The following ADD3 variants were observed in gnomAD, a reference collection of about 807,000 sequenced individuals.
The protein encoded by ADD3 is adducin 3.
A neutral mutation model predicts 80.2 loss-of-function variants in ADD3; 25 were observed. The observed-to-expected ratio is 0.31, with a 90% CI of 0.23 to 0.44. The LOEUF is 0.44. Ranked by LOEUF, ADD3 falls within the 20% of genes least tolerant of loss-of-function variation. The pLI, the probability that ADD3 is intolerant of heterozygous loss-of-function variation, is 1.00. For synonymous variants in ADD3, 284 were observed against 289.6 expected (o/e 0.98, Z 0.20); for missense variants, 829 against 847.5 (o/e 0.98, Z 0.27).
At chr10:110,106,474 C>CT (rs1164491476) in intron 2 of ADD3, among the ~76,000 whole-genome samples, 2 of 151,956 alleles carry the variant, frequency 1.3e-5, no homozygotes, top group Non-Finnish European at 1.5e-5. Flanking sequence ...GTGAATTCTA[C>CT]TTTTGGTTTA....
At chr10:110,123,326 T>G (rs1851742101) in intron 9 of ADD3, among the ~76,000 whole-genome samples, 1 of 152,244 alleles carries the variant, frequency 6.6e-6, no homozygotes. Flanking sequence ...TAATTTACAT[T>G]GCTACCAACA....
chr10:110,001,390 G>C (rs966934227), upstream of ADD3, among the ~76,000 whole-genome samples: 1 of 146,256 alleles, frequency 6.8e-6, no homozygotes, highest in African/African-American at 2.5e-5. Flanking sequence ...ACTCCAGCCT[G>C]AGAGACAGAG....
chr10:110,119,989 A>T (rs1272029754), intron 8 of ADD3, among the ~76,000 whole-genome samples: 1 of 152,212 alleles, frequency 6.6e-6, no homozygotes, highest in Non-Finnish European at 1.5e-5. Flanking sequence ...CAGCCTCATT[A>T]TGATGAGAGG....
chr10:110,056,140 T>A (rs1858167015), intron 1 of ADD3, among the ~76,000 whole-genome samples: 2 of 152,344 alleles, frequency 1.3e-5, no homozygotes, highest in South Asian at 4.1e-4. Flanking sequence ...ACTAGCTGCA[T>A]CACTGCTACC....
At chr10:110,073,138 C>CT (rs1189793476) in intron 1 of ADD3, among the ~76,000 whole-genome samples, 3,239 of 94,084 alleles carry the variant, frequency 0.034, 162 homozygotes, top group African/African-American at 0.046. Context: ...TTTTAGTTTT[C>CT]TTTTTTTTTT....
intron 1 of ADD3, among the ~76,000 whole-genome samples, chr10:110,020,445 C>G (rs1853538041): frequency 6.6e-6 from 1 of 152,122 alleles, no homozygotes; most frequent in Non-Finnish European, 1.5e-5. Flanking sequence ...AGAAGGTGAC[C>G]TTGAAGATGA....
At chr10:110,110,372 T>C (rs4384325) in intron 2 of ADD3, among the ~76,000 whole-genome samples, 19,924 of 152,172 alleles carry the variant, frequency 0.13, 4,197 homozygotes, top group African/African-American at 0.44. Flanking sequence ...CCACTGCCAC[T>C]GTACTTCCCT....
At chr10:110,101,224 C>T (rs989889585) in intron 2 of ADD3, among the ~76,000 whole-genome samples, 6 of 152,268 alleles carry the variant, frequency 3.9e-5, no homozygotes, top group East Asian at 1.9e-4. Context: ...GGTACCTTGA[C>T]GCTCAGAGTG....
Position 110,012,717 on chromosome 10 carries a change from A to G in ADD3, c.-30+4418A>G, listed in dbSNP as rs1175279074. ...TAACTCCACTAAAAGCTGAACCGTT[A>G]TTGTACAAGATGTATAGGCCTTGGC... On this transcript the variant is annotated intron_variant, in intron 1 of 14. Coordinates refer to ENST00000356080, the MANE Select transcript of ADD3 (RefSeq NM_016824.5). Among the ~76,000 whole-genome samples, 5 of 151,516 alleles carry G rather than the reference A, an allele frequency of 3.3e-5. No individual in the cohort carries two copies. In the East Asian group the frequency reaches 9.6e-4, roughly 29 times the overall value.
At chr10:110,021,743 G>T (rs1479889616) in intron 1 of ADD3, among the ~76,000 whole-genome samples, 1 of 152,054 alleles carries the variant, frequency 6.6e-6, no homozygotes, top group Non-Finnish European at 1.5e-5. Flanking sequence ...TGGGTACTGG[G>T]TTTCCTTTTG....
chr10:110,026,686 C>T (rs1854351643), intron 1 of ADD3, among the ~76,000 whole-genome samples: 1 of 151,736 alleles, frequency 6.6e-6, no homozygotes, highest in Non-Finnish European at 1.5e-5. Context: ...TGGAGTCTGG[C>T]TGTGTTTCCT....
In ADD3 at chr10:110,130,345, T is replaced by G. The variant is rs1158430492; in HGVS notation, c.1609-18T>G. ...AAAACTCTTGGTAATGAATCGATTT[T>G]TATTTTTTCTTTGTAAGACTATGCA... On this transcript the variant is annotated intron_variant, in intron 12 of 14. Coordinates refer to ENST00000356080, the MANE Select transcript of ADD3 (RefSeq NM_016824.5). The G allele has an allele frequency of 1.9e-6, 3 of 1,612,724 alleles. No homozygotes were observed. The highest frequency in any genetic ancestry group is 2.7e-5 in the African/African-American group (2 of 74,854).
rs557674752 is a variant in ADD3 at position 110,127,194 on chromosome 10, G to A, written c.1608+691G>A. The stretch of plus-strand genomic sequence containing the variant: ...GCTTTCGTTATTTATATTACTACAT[G>A]TTTGCTGCTAAGCCAGGTAGTATTT... On this transcript the variant is annotated intron_variant, in intron 12 of 14. Transcript: ENST00000356080. 6.6e-5 allele frequency among the ~76,000 whole-genome samples: 10 copies of A among 152,082 alleles called. No homozygotes were observed. The South Asian group carries it at 1.7e-3, about 25-fold the overall frequency.
At chr10:110,072,555 G>GCC (rs1844866638) in intron 1 of ADD3, among the ~76,000 whole-genome samples, 1 of 152,124 alleles carries the variant, frequency 6.6e-6, no homozygotes, top group African/African-American at 2.4e-5. Flanking sequence ...AGGCCTGTAG[G>GCC]AGGCTTTTCT....
At chr10:110,109,190 T>G (rs747263906) in intron 2 of ADD3, among the ~76,000 whole-genome samples, 108 of 152,288 alleles carry the variant, frequency 7.1e-4, no homozygotes, top group Admixed American at 1.0e-3. Flanking sequence ...TCTCACCAGT[T>G]TAATAAATTG....
chr10:110,008,914 G>C (rs139984728), intron 1 of ADD3, among the ~76,000 whole-genome samples: 1 of 152,142 alleles, frequency 6.6e-6, no homozygotes, highest in Non-Finnish European at 1.5e-5. Context: ...CTTCCTGCTA[G>C]GGGTGACAAG....
chr10:110,051,469 G>A (rs753130937), intron 1 of ADD3, among the ~76,000 whole-genome samples: 7 of 152,094 alleles, frequency 4.6e-5, no homozygotes, highest in Non-Finnish European at 7.4e-5. Flanking sequence ...ATATATAAGT[G>A]CATCATTATA....
chr10:110,052,337 C>G (rs1001140852), intron 1 of ADD3, among the ~76,000 whole-genome samples: 1 of 152,170 alleles, frequency 6.6e-6, no homozygotes, highest in East Asian at 1.9e-4. Context: ...TCCCTGGGCC[C>G]CGGACCAGTA....
chr10:110,002,238 G>T (rs1851500188), upstream of ADD3, among the ~76,000 whole-genome samples: 1 of 152,084 alleles, frequency 6.6e-6, no homozygotes, highest in Non-Finnish European at 1.5e-5. Flanking sequence ...GTCACAGTAA[G>T]ACTCCGTTTC....
Sources: gnomAD v4.1 joint callset for allele counts (sites outside exome capture counted in the v4.1 genomes callset) on GRCh38, gnomAD v4.1.1 for gene constraint, MANE v1.5 for transcripts, NCBI Gene and HGNC (gene_info 2026-07-23, HGNC 2026-07-21) for gene names.